MYOZ2: variants seen among roughly 807,000 people sequenced by gnomAD.
MYOZ2 encodes myozenin-2.
In MYOZ2, 19 loss-of-function variants were observed where a neutral mutation model predicts 25.4. The observed-to-expected ratio is 0.75, with a 90% CI of 0.52 to 1.10. The LOEUF (loss-of-function observed/expected upper bound fraction) is 1.10, where lower values mean the gene tolerates loss of function less well. MYOZ2 is among the 50% of genes least tolerant of loss of function. MYOZ2 has a pLI of 0.00. For missense variants in MYOZ2, 270 were observed against 317.9 expected, an observed-to-expected ratio of 0.85 and a Z score of 1.15; for synonymous variants, 92 against 106.9, an observed-to-expected ratio of 0.86 and a Z score of 0.86.
chr4:119,175,547 T>C (rs955185344), intron 5 of MYOZ2, among the ~76,000 whole-genome samples: 1 of 151,756 alleles, frequency 6.6e-6, no homozygotes, highest in Non-Finnish European at 1.5e-5. Flanking sequence ...GGGTTAGGAG[T>C]TCGAGACCAC....
At chr4:119,175,256 A>G (rs1422047202) in intron 5 of MYOZ2, among the ~76,000 whole-genome samples, 1 of 152,182 alleles carries the variant, frequency 6.6e-6, no homozygotes, top group Non-Finnish European at 1.5e-5. Context: ...AGAGCTGGAT[A>G]AAAAGGGGAA....
At chr4:119,169,953 A>G (rs1741913307) in intron 5 of MYOZ2, among the ~76,000 whole-genome samples, 1 of 152,198 alleles carries the variant, frequency 6.6e-6, no homozygotes, top group South Asian at 2.1e-4. Context: ...GACTTAAATC[A>G]TCCTACAGGT....
At chr4:119,167,045 G>A (rs189409654) in intron 5 of MYOZ2, among the ~76,000 whole-genome samples, 1 of 152,260 alleles carries the variant, frequency 6.6e-6, no homozygotes, top group East Asian at 1.9e-4. Context: ...GAAAGGAAGA[G>A]TCACAAGTCT....
chr4:119,136,205 A>G (rs1741018650), intron 1 of MYOZ2, among the ~76,000 whole-genome samples: 1 of 152,202 alleles, frequency 6.6e-6, no homozygotes, highest in Non-Finnish European at 1.5e-5. Context: ...GTGAGGAGAC[A>G]ATGACAGACT....
At chr4:119,166,070 T>C (rs944553455) in intron 5 of MYOZ2, among the ~76,000 whole-genome samples, 8 of 152,170 alleles carry the variant, frequency 5.3e-5, no homozygotes, top group Non-Finnish European at 2.9e-5. Context: ...CTTAATCTGC[T>C]AATACTTCTC....
chr4:119,167,987 T>C (rs1012141537), intron 5 of MYOZ2, among the ~76,000 whole-genome samples: 1 of 152,238 alleles, frequency 6.6e-6, no homozygotes, highest in Non-Finnish European at 1.5e-5. Flanking sequence ...TTTTGTTTTG[T>C]TTTGAGACGG....
rs780989346 is a variant in MYOZ2, at chr4:119,164,324, G to A, written c.490G>A (p.Glu164Lys). ...QAISNDPELL[E>K]ALYPKLFKPE... The stretch of plus-strand genomic sequence containing the variant: ...CATTAGCAATGATCCGGAGCTTTTA[G>A]AGGCTTTATATCCTAAACTTTTCAA... The change falls in exon 5 of 6, where the codon GAG becomes AAG. Residue 164 changes from glutamate (E) to lysine (K), a missense_variant. Transcript: ENST00000307128. 3.1e-6 allele frequency: 5 copies of A among 1,613,990 alleles called. No individual in the cohort carries two copies. Among genetic ancestry groups the A allele is most frequent in the Middle Eastern group, 1.6e-4 (1 of 6,080 alleles).
chr4:119,138,510 T>A (rs1043561353), intron 2 of MYOZ2, among the ~76,000 whole-genome samples: 22 of 152,200 alleles, frequency 1.4e-4, no homozygotes, highest in African/African-American at 4.3e-4. Flanking sequence ...TCAGAGAAAC[T>A]TTTTTGGGAA....
intron 5 of MYOZ2, among the ~76,000 whole-genome samples, chr4:119,178,997 G>T (rs1742134634): frequency 6.6e-6 from 1 of 152,192 alleles, no homozygotes; most frequent in Admixed American, 6.5e-5. Flanking sequence ...ACTGGACTTG[G>T]TGCTTTCACT....
chr4:119,155,112 G>A (rs967281216), intron 3 of MYOZ2, among the ~76,000 whole-genome samples: 1 of 152,104 alleles, frequency 6.6e-6, no homozygotes, highest in African/African-American at 2.4e-5. Context: ...AGAGAGAGGA[G>A]GGAGGAGGTG....
intron 2 of MYOZ2, among the ~76,000 whole-genome samples, chr4:119,149,859 G>C (rs1309994900): frequency 2.0e-5 from 3 of 152,028 alleles, no homozygotes; most frequent in Non-Finnish European, 4.4e-5. Context: ...TCTCTCAAAA[G>C]AAAAGTGGGG....
chr4:119,164,631 T>C (rs1741782292), intron 5 of MYOZ2, among the ~76,000 whole-genome samples: 3 of 152,228 alleles, frequency 2.0e-5, no homozygotes, highest in Admixed American at 1.3e-4. Context: ...GAAACTATCA[T>C]TGGTATAACA....
At chr4:119,174,844 T>C (rs765519038) in intron 5 of MYOZ2, among the ~76,000 whole-genome samples, 38 of 152,108 alleles carry the variant, frequency 2.5e-4, no homozygotes, top group Non-Finnish European at 4.7e-4. Flanking sequence ...TTTTATGAGC[T>C]GTAACAGTCA....
At chr4:119,154,894 G>T (rs569204599) in intron 3 of MYOZ2, among the ~76,000 whole-genome samples, 1 of 92,494 alleles carries the variant, frequency 1.1e-5, no homozygotes, top group East Asian at 3.1e-4. Context: ...CACACACAAT[G>T]CCTTTCTTAG....
chr4:119,165,244 T>C (rs746678957), intron 5 of MYOZ2, among the ~76,000 whole-genome samples: 1 of 151,834 alleles, frequency 6.6e-6, no homozygotes, highest in Non-Finnish European at 1.5e-5. Flanking sequence ...ATGTGGTGGC[T>C]CATGCCTGTC....
At chr4:119,148,505 C>T (rs897916012) in intron 2 of MYOZ2, among the ~76,000 whole-genome samples, 1 of 151,952 alleles carries the variant, frequency 6.6e-6, no homozygotes, top group Admixed American at 6.6e-5. Context: ...TATTAGAGTC[C>T]CATGAATCCC....
chr4:119,171,597 T>G (rs1578742497), intron 5 of MYOZ2, among the ~76,000 whole-genome samples: 1 of 151,716 alleles, frequency 6.6e-6, no homozygotes, highest in East Asian at 1.9e-4. Context: ...AATTTATTAT[T>G]TTCCCTATTG....
chr4:119,158,371 C>T (rs1445423457), intron 4 of MYOZ2, among the ~76,000 whole-genome samples: 2 of 152,114 alleles, frequency 1.3e-5, no homozygotes, highest in South Asian at 4.1e-4. Flanking sequence ...GCCTGGATCA[C>T]ATGGTGAAAC....
chr4:119,139,954 A>G (rs952785736), intron 2 of MYOZ2, among the ~76,000 whole-genome samples: 28 of 144,298 alleles, frequency 1.9e-4, no homozygotes, highest in African/African-American at 6.9e-4. Context: ...TTGTTTTTTT[A>G]ACTTCAGGAA....
Sources: allele counts gnomAD v4.1 joint callset (sites outside exome capture counted in the v4.1 genomes callset), GRCh38; gene constraint gnomAD v4.1.1; transcripts MANE v1.5; gene names NCBI Gene and HGNC (gene_info 2026-07-23, HGNC 2026-07-21).